Variants in PDE6B observed in about 807,000 individuals in gnomAD.
PDE6B encodes the protein rod cGMP-specific 3',5'-cyclic phosphodiesterase subunit beta.
A neutral mutation model predicts 109.0 loss-of-function variants in PDE6B; 106 were observed. The ratio of observed to expected loss-of-function variants is 0.97; its 90% CI spans 0.83 to 1.14. PDE6B has a LOEUF of 1.14. PDE6B is among the 50% of genes most tolerant of loss of function. The probability of loss-of-function intolerance (pLI) is 0.00; values close to 1 mark genes in which losing one functional copy is unlikely to be tolerated. For synonymous variants in PDE6B, 490 were observed against 471.3 expected (o/e 1.04, Z -0.51); for missense variants, 1,193 against 1,155.6 (o/e 1.03, Z -0.47).
chr4:629,991 G>A (rs533108021), intron 1 of PDE6B, among the ~76,000 whole-genome samples: 1 of 152,212 alleles, frequency 6.6e-6, no homozygotes, highest in African/African-American at 2.4e-5. Flanking sequence ...GTCTGACCAG[G>A]AGCCTCTGGG....
chr4:662,984 C>T lies in PDE6B; in HGVS notation c.1833-116C>T. 2 of 728,974 alleles carry T rather than the reference C, an allele frequency of 2.7e-6. No homozygotes were observed. The highest frequency in any genetic ancestry group is 5.0e-6 in the Non-Finnish European group (2 of 396,712). The allele number at this position is 728,974 out of a possible 1,614,324, so 45.2% of individuals were successfully genotyped here. ...CACCACTGCACTCCAGAGTGGGTGA[C>T]AGAGGCAGACCCTGTCTCAAAAAAA... On this transcript the variant is annotated intron_variant, in intron 14 of 21. Transcript: ENST00000496514. The surrounding 1 kb of genome is among the most constrained non-coding windows in gnomAD (Gnocchi z 4.3).
At chr4:667,528 CT>C (rs1302674601) in intron 20 of PDE6B, among the ~76,000 whole-genome samples, 1 of 152,148 alleles carries the variant, frequency 6.6e-6, no homozygotes, top group Non-Finnish European at 1.5e-5. Context: ...ACTGCAGGGG[CT>C]GCCTGCTGTC....
Position 663,186 on chromosome 4 carries a change from A to G in PDE6B, c.1919A>G (p.Glu640Gly). 6.4e-7 allele frequency: 1 copy of G among 1,569,656 alleles called. No individual in the cohort carries two copies. ...TTTGGGAAGTTCCTGCTCTCGGAGGAGGTTGGTATACTCACCCTCGGTTTC... is the reference window on the plus strand; with the variant it reads ...TTTGGGAAGTTCCTGCTCTCGGAGGGGGTTGGTATACTCACCCTCGGTTTC... ...LEFGKFLLSE[E>G]TLNIYQNLNR... is the part of the protein sequence containing the mutation. Residue 640 changes from glutamate to glycine, a missense_variant and splice_region_variant, in exon 15 of 22, where the codon GAG becomes GGG. Transcript: ENST00000496514. This position sits in a 1 kb window ranked among gnomAD's most constrained non-coding sequence, Gnocchi z 4.0.
At chr4:656,821 C>CGGGCCA (rs981426981) in intron 8 of PDE6B, 53 bp from the exon 9 acceptor site, 1 of 1,593,416 alleles carries the variant, frequency 6.3e-7, no homozygotes, top group Non-Finnish European at 8.6e-7. Context: ...GCCACACGCC[C>CGGGCCA]GGGCCAGGGC....
In PDE6B at chr4:626,016, C is replaced by T. The variant is rs755636741; in HGVS notation, c.390C>T (p.Ile130=). Residue 130 remains isoleucine (I), a synonymous_variant, in exon 1 of 22, where the codon ATC becomes ATT. Transcript: ENST00000496514. This position sits in a 1 kb window ranked among gnomAD's most constrained non-coding sequence, Gnocchi z 4.6. ...EDCLVPPDSE[I]VFPLDIGVVG... The stretch of plus-strand genomic sequence containing the variant: ...GCCTGGTGCCCCCCGACTCCGAGAT[C>T]GTCTTCCCACTGGACATCGGGGTCG... 20 of 1,592,176 alleles carry T rather than the reference C, an allele frequency of 1.3e-5. No individual in the cohort carries two copies. Among genetic ancestry groups the T allele is most frequent in the Non-Finnish European group, 1.5e-5 (18 of 1,170,164 alleles).
chr4:656,086 A>ATGT, intron 7 of PDE6B, 80 bp downstream of exon 7: 4 of 1,083,164 alleles, frequency 3.7e-6, no homozygotes, highest in Non-Finnish European at 2.9e-6. Flanking sequence ...TGTCTCTGCC[A>ATGT]CGTCCCGCCC....
intron 1 of PDE6B, among the ~76,000 whole-genome samples, chr4:628,264 C>T (rs1734215418): frequency 6.6e-6 from 1 of 152,184 alleles, no homozygotes; most frequent in East Asian, 1.9e-4. Context: ...TCTCAGTTTA[C>T]AGAAGGGGGG....
chr4:663,925 C>G lies in PDE6B; in HGVS notation c.2021+55C>G. The G allele has an allele frequency of 1.5e-6, 2 of 1,352,796 alleles. No homozygotes were observed. Among genetic ancestry groups the G allele is most frequent in the Non-Finnish European group, 2.1e-6 (2 of 967,274 alleles). The allele number at this position is 1,352,796 out of a possible 1,614,324, so 83.8% of individuals were successfully genotyped here. ...CGGGGCGGGCGGGTAGCCTGGGACC[C>G]CCGGCAGACACGGGGGCGCAGCGGC... On this transcript the variant is annotated intron_variant, in intron 16 of 21. Coordinates refer to ENST00000496514, the MANE Select transcript of PDE6B (RefSeq NM_000283.4). The surrounding 1 kb of genome is among the most constrained non-coding windows in gnomAD (Gnocchi z 4.0).
Position 665,259 on chromosome 4 carries a change from C to G in PDE6B, c.2198C>G (p.Ala733Gly). 1 of 1,611,700 alleles carries G rather than the reference C, an allele frequency of 6.2e-7. No individual in the cohort carries two copies. ...GCTGCCTTCCTGTGCCTCCAGGTCG[C>G]ACTTCTCGTGGCTGCTGAGTTCTGG... Reference protein sequence around the residue: ...TKPWEVQSKVALLVAAEFWEQ... With the variant: ...TKPWEVQSKVGLLVAAEFWEQ... The change falls in exon 19 of 22, where the codon GCA becomes GGA. Residue 733 changes from alanine (A) to glycine (G), a missense_variant. Coordinates refer to ENST00000496514, the MANE Select transcript of PDE6B (RefSeq NM_000283.4). The surrounding 1 kb of genome is among the most constrained non-coding windows in gnomAD (Gnocchi z 4.0).
In PDE6B at chr4:648,230, T is replaced by C. The variant is rs1269558181; in HGVS notation, c.712-5622T>C. Reference sequence around the variant, plus strand: ...AGTCTGCAGGCATGTGGAGACCAGCTCAAGGTTCTAACACGTGACCTTGTG... The same window carrying C: ...AGTCTGCAGGCATGTGGAGACCAGCCCAAGGTTCTAACACGTGACCTTGTG... On this transcript the variant is annotated intron_variant, in intron 3 of 21. Transcript: ENST00000496514. This position sits in a 1 kb window ranked among gnomAD's most constrained non-coding sequence, Gnocchi z 4.5. Among the ~76,000 whole-genome samples, 2 of 152,006 alleles carry C rather than the reference T, an allele frequency of 1.3e-5. No individual in the cohort carries two copies. Among genetic ancestry groups the C allele is most frequent in the African/African-American group, 4.8e-5 (2 of 41,272 alleles).
chr4:657,132 G>A lies in PDE6B; in HGVS notation c.1257+109G>A, dbSNP rs367652946. The A allele has an allele frequency of 7.1e-6, 9 of 1,270,854 alleles. No homozygotes were observed. In the African/African-American group the frequency reaches 1.3e-4, roughly 19 times the overall value. 78.7% of individuals were successfully genotyped at this position (1,270,854 alleles called of 1,614,324 possible). On this transcript the variant is annotated intron_variant, in intron 9 of 21. Coordinates refer to ENST00000496514, the MANE Select transcript of PDE6B (RefSeq NM_000283.4). The stretch of plus-strand genomic sequence containing the variant: ...CATTCGGCTGTGTGCGTGTGCTCAT[G>A]TGTGTGCGGTATGCATGCGGCCAGG...
In PDE6B at chr4:655,760, G is replaced by T. The variant is rs1577277732; in HGVS notation, c.993-180G>T. 23 of 665,766 alleles carry T rather than the reference G, an allele frequency of 3.5e-5. No homozygotes were observed. The East Asian group carries it at 6.3e-4, about 18-fold the overall frequency. The allele number at this position is 665,766 out of a possible 1,614,324, so 41.2% of individuals were successfully genotyped here. A position where few individuals can be genotyped will look rare whatever the true frequency, so the allele number is the denominator to read the frequency against. On this transcript the variant is annotated intron_variant, in intron 6 of 21. Coordinates refer to ENST00000496514, the MANE Select transcript of PDE6B (RefSeq NM_000283.4). ...GTACACCTACATCCAGCGCAGCCTGGCCCCTCTGACCCCTGCACACACACG... is the reference window on the plus strand; with the variant it reads ...GTACACCTACATCCAGCGCAGCCTGTCCCCTCTGACCCCTGCACACACACG...
At position 662,123 on chromosome 4, in the gene PDE6B, G is replaced by A. The variant is rs934976363; in HGVS notation, c.1615-11G>A. 6 of 1,444,772 alleles carry A rather than the reference G, an allele frequency of 4.2e-6. No homozygotes were observed. The highest frequency in any genetic ancestry group is 2.8e-5 in the African/African-American group (2 of 71,010). The allele number at this position is 1,444,772 out of a possible 1,614,324, so 89.5% of individuals were successfully genotyped here. ...TGCCGCCGGAGCCCTGTGTCCTCTC[G>A]GCTCCCCCAGGTCCTGGTGCGGTTC... On this transcript the variant is annotated splice_polypyrimidine_tract_variant and intron_variant, in intron 12 of 21. Coordinates refer to ENST00000496514, the MANE Select transcript of PDE6B (RefSeq NM_000283.4). The surrounding 1 kb of genome is among the most constrained non-coding windows in gnomAD (Gnocchi z 4.3).
chr4:635,376 C>T (rs1734621765), intron 2 of PDE6B, among the ~76,000 whole-genome samples: 3 of 131,978 alleles, frequency 2.3e-5, no homozygotes, highest in Admixed American at 7.3e-5. Context: ...TTCTGTGCCA[C>T]GCGTCTGCCT....
At chr4:661,805 C>T (rs1737133791) in intron 12 of PDE6B, 1 of 380,250 alleles carries the variant, frequency 2.6e-6, no homozygotes, top group Non-Finnish European at 5.1e-6. Context: ...AAACCAACAT[C>T]TTAAAATATG....
In PDE6B at chr4:663,924, C is replaced by A. The variant is rs911632288; in HGVS notation, c.2021+54C>A. The A allele has an allele frequency of 2.1e-5, 29 of 1,350,016 alleles. No individual in the cohort carries two copies. The highest frequency in any genetic ancestry group is 3.0e-5 in the Non-Finnish European group (29 of 964,744). 83.6% of individuals were successfully genotyped at this position (1,350,016 alleles called of 1,614,324 possible). ...GCGGGGCGGGCGGGTAGCCTGGGAC[C>A]CCCGGCAGACACGGGGGCGCAGCGG... On this transcript the variant is annotated intron_variant, in intron 16 of 21. Transcript: ENST00000496514. The surrounding 1 kb of genome is among the most constrained non-coding windows in gnomAD (Gnocchi z 4.0).
intron 5 of PDE6B, chr4:654,378 C>G (rs550212662): frequency 4.5e-6 from 3 of 667,690 alleles, no homozygotes; most frequent in Non-Finnish European, 8.2e-6. Context: ...CCAGGCTGGT[C>G]GTGAAGACCC....
At chr4:646,017 T>C (rs1037698254) in intron 3 of PDE6B, among the ~76,000 whole-genome samples, 16 of 152,052 alleles carry the variant, frequency 1.1e-4, no homozygotes, top group African/African-American at 3.6e-4. Flanking sequence ...TAGCTATTAT[T>C]AGAGAAATTA....
Position 665,407 on chromosome 4 carries a change from C to G in PDE6B, c.2268+78C>G. On this transcript the variant is annotated intron_variant, in intron 19 of 21. Coordinates refer to ENST00000496514, the MANE Select transcript of PDE6B (RefSeq NM_000283.4). This position sits in a 1 kb window ranked among gnomAD's most constrained non-coding sequence, Gnocchi z 4.0. The stretch of plus-strand genomic sequence containing the variant: ...TCTTGGTCCTCAGGAGCCTCAGGTC[C>G]TGGCTTGGTCTCAGGCAGGGGGTTC... 1 of 997,058 alleles carries G rather than the reference C, an allele frequency of 1.0e-6. No individual in the cohort carries two copies. The highest frequency in any genetic ancestry group is 1.6e-6 in the Non-Finnish European group (1 of 628,478). 61.8% of individuals were successfully genotyped at this position (997,058 alleles called of 1,614,324 possible).
Sources: gnomAD v4.1 joint callset for allele counts (sites outside exome capture counted in the v4.1 genomes callset) on GRCh38, gnomAD v4.1.1 for gene constraint, Gnocchi (gnomAD v3.1) non-coding constraint, MANE v1.5 for transcripts, NCBI Gene and HGNC (gene_info 2026-07-23, HGNC 2026-07-21) for gene names.